The following UBR3 variants were observed in gnomAD, a reference collection of about 807,000 sequenced individuals.
The protein encoded by UBR3 is E3 ubiquitin-protein ligase UBR3.
In UBR3, 85 loss-of-function variants were observed where a neutral mutation model predicts 243.2. The ratio of observed to expected loss-of-function variants is 0.35; its 90% CI spans 0.29 to 0.42. The LOEUF is 0.42. Among genes scored for constraint, UBR3 ranks in the 10% least tolerant of loss-of-function variants. The pLI, the probability that UBR3 is intolerant of heterozygous loss-of-function variation, is 1.00. For synonymous variants in UBR3, 748 were observed against 799.8 expected, an observed-to-expected ratio of 0.94 and a Z score of 1.09; for missense variants, 1,686 against 2,300.8, an observed-to-expected ratio of 0.73 and a Z score of 5.47.
rs943802653 is a variant in UBR3 at position 169,857,268 on chromosome 2, C to G, written c.546-14968C>G. Among the ~76,000 whole-genome samples the G allele has an allele frequency of 5.9e-5, 9 of 151,324 alleles. No homozygotes were observed. The East Asian group carries it at 1.8e-3, about 29-fold the overall frequency. ...TTTTGTATTTTTAGTAGAGATGGGG[C>G]TTCGCCACATTGGCCAGGCTTGTCT... is the stretch of plus-strand genomic sequence containing the variant. On this transcript the variant is annotated intron_variant, in intron 1 of 38. Transcript: ENST00000272793.
chr2:169,907,835 G>A (rs947730203), intron 10 of UBR3, among the ~76,000 whole-genome samples: 17 of 151,310 alleles, frequency 1.1e-4, no homozygotes, highest in African/African-American at 3.6e-4. Context: ...GCTGGAGTGC[G>A]AACTCAGCTC....
At chr2:169,968,430 C>T (rs528154490) in intron 24 of UBR3, among the ~76,000 whole-genome samples, 3 of 152,200 alleles carry the variant, frequency 2.0e-5, no homozygotes, top group South Asian at 2.1e-4. Context: ...TTCCCACATA[C>T]GAGTAAGAAA....
At chr2:169,865,869 GCT>G (rs2105305710) in intron 1 of UBR3, among the ~76,000 whole-genome samples, 1 of 152,094 alleles carries the variant, frequency 6.6e-6, no homozygotes, top group Admixed American at 6.5e-5. Context: ...GCTTTTACAG[GCT>G]GGGCACGGTG....
chr2:169,831,177 G>A (rs1193202807), intron 1 of UBR3, among the ~76,000 whole-genome samples: 1 of 74,598 alleles, frequency 1.3e-5, no homozygotes, highest in Non-Finnish European at 2.4e-5. Context: ...TTTTGCTCTT[G>A]TTGCCCAGGC....
At chr2:169,914,963 T>A (rs957797666) in intron 11 of UBR3, among the ~76,000 whole-genome samples, 2 of 152,118 alleles carry the variant, frequency 1.3e-5, no homozygotes, top group African/African-American at 4.8e-5. Flanking sequence ...TCTTGAACGA[T>A]TTGAGAGTTC....
intron 29 of UBR3, 96 bp downstream of exon 29, chr2:170,009,036 T>A: frequency 1.2e-6 from 1 of 814,164 alleles, no homozygotes. Flanking sequence ...AAAGGATGCA[T>A]ATTTTTAATA....
intron 31 of UBR3, among the ~76,000 whole-genome samples, chr2:170,038,299 ACTCTTT>A (rs1479334024): frequency 6.6e-6 from 1 of 152,136 alleles, no homozygotes; most frequent in African/African-American, 2.4e-5. Context: ...TTTAAGTGAG[ACTCTTT>A]TAAACACCTG....
chr2:170,036,902 G>C (rs926913569), intron 31 of UBR3, among the ~76,000 whole-genome samples: 1 of 151,982 alleles, frequency 6.6e-6, no homozygotes. Context: ...TTCATACTTA[G>C]AATGCCCATG....
chr2:169,837,466 A>G (rs1355411297), intron 1 of UBR3, among the ~76,000 whole-genome samples: 1 of 152,214 alleles, frequency 6.6e-6, no homozygotes, highest in African/African-American at 2.4e-5. Flanking sequence ...ACAAGAGGAA[A>G]TCTCCGTCTC....
chr2:169,889,387 A>G (rs988364392), intron 5 of UBR3, among the ~76,000 whole-genome samples: 2 of 152,194 alleles, frequency 1.3e-5, no homozygotes, highest in African/African-American at 4.8e-5. Flanking sequence ...AAATTATGAA[A>G]TAATTCTCAC....
chr2:169,963,491 AT>A (rs1038077644), intron 24 of UBR3, among the ~76,000 whole-genome samples: 4 of 150,254 alleles, frequency 2.7e-5, no homozygotes, highest in Admixed American at 1.3e-4. Context: ...ATATTTCTTC[AT>A]TTTTTTTTCT....
At chr2:169,835,730 C>T (rs1318275167) in intron 1 of UBR3, among the ~76,000 whole-genome samples, 3 of 152,046 alleles carry the variant, frequency 2.0e-5, no homozygotes, top group Non-Finnish European at 4.4e-5. Flanking sequence ...CGTGAGCCAC[C>T]GTGCGTGGCC....
rs182193329 is a variant in UBR3, at chr2:169,887,864, C to T, written c.1039-3301C>T. 3.7e-4 allele frequency among the ~76,000 whole-genome samples: 56 copies of T among 151,592 alleles called. No individual in the cohort carries two copies. In the South Asian group the frequency reaches 7.1e-3, roughly 19 times the overall value. ...CGATCTTGGCTCACTGCAACCTCCC[C>T]CTCCCGGGTTCAACCTATTCTCCTG... On this transcript the variant is annotated intron_variant, in intron 5 of 38. Coordinates refer to ENST00000272793, the MANE Select transcript of UBR3 (RefSeq NM_172070.4).
At position 170,080,030 on chromosome 2, in the gene UBR3, A is replaced by T. The variant is rs1311186131; in HGVS notation, c.5409+7A>T. The T allele has an allele frequency of 6.3e-7, 1 of 1,599,900 alleles. No individual in the cohort carries two copies. Among genetic ancestry groups the T allele is most frequent in the East Asian group, 2.2e-5 (1 of 44,768 alleles). On this transcript the variant is annotated splice_region_variant and intron_variant, in intron 37 of 38. Transcript: ENST00000272793. ...TTACTGTGAATGTGTACTGGTAAGCAATAGTAGATAATACAAAATTTATGA... is the reference window on the plus strand; with the variant it reads ...TTACTGTGAATGTGTACTGGTAAGCTATAGTAGATAATACAAAATTTATGA...
intron 1 of UBR3, among the ~76,000 whole-genome samples, chr2:169,848,209 G>T (rs564022860): frequency 3.9e-5 from 6 of 151,934 alleles, no homozygotes; most frequent in African/African-American, 9.6e-5. Flanking sequence ...ATTTTATCTG[G>T]TTTTTTGTTT....
At chr2:169,857,381 AG>A (rs2082923156) in intron 1 of UBR3, among the ~76,000 whole-genome samples, 1 of 151,390 alleles carries the variant, frequency 6.6e-6, no homozygotes, top group Non-Finnish European at 1.5e-5. Context: ...TTGTGTTCTG[AG>A]GTCTTACTTT....
intron 29 of UBR3, among the ~76,000 whole-genome samples, chr2:170,011,717 C>G (rs2090089312): frequency 6.8e-6 from 1 of 147,264 alleles, no homozygotes; most frequent in African/African-American, 2.5e-5. Flanking sequence ...CTGAGGGTAT[C>G]AGAGAAGAAA....
chr2:169,904,627 A>C (rs1221360486), intron 8 of UBR3, among the ~76,000 whole-genome samples: 3 of 152,018 alleles, frequency 2.0e-5, no homozygotes, highest in Non-Finnish European at 2.9e-5. Flanking sequence ...TGTTTGCTAA[A>C]GATTGTATTG....
chr2:169,962,727 T>C (rs1422492785), intron 24 of UBR3, among the ~76,000 whole-genome samples: 2 of 149,342 alleles, frequency 1.3e-5, no homozygotes, highest in South Asian at 2.2e-4. Flanking sequence ...TAAAAATCTT[T>C]CTGAAAGAGT....
Sources: gnomAD v4.1 joint callset for allele counts (sites outside exome capture counted in the v4.1 genomes callset) on GRCh38, gnomAD v4.1.1 for gene constraint, MANE v1.5 for transcripts, NCBI Gene and HGNC (gene_info 2026-07-23, HGNC 2026-07-21) for gene names.